The following GRTP1 variants were observed in gnomAD, a reference collection of about 807,000 sequenced individuals.
The protein encoded by GRTP1 is growth hormone regulated TBC protein 1.
Under a neutral mutation model 38.1 loss-of-function variants are expected in GRTP1, and 56 were observed. The observed-to-expected ratio is 1.47, with a 90% CI of 1.19 to 1.84. GRTP1 has a LOEUF of 1.84. Ranked by LOEUF, GRTP1 falls within the 40% of genes most tolerant of loss-of-function variation. GRTP1 has a pLI of 0.00. For synonymous variants in GRTP1, 217 were observed against 189.5 expected (o/e 1.14, Z -1.19); for missense variants, 506 against 453.9 (o/e 1.11, Z -1.04).
At position 113,326,546 on chromosome 13, in the gene GRTP1, C is replaced by T. The variant is rs1437700027; in HGVS notation, c.563-455G>A. On this transcript the variant is annotated intron_variant, in intron 5 of 7. Transcript: ENST00000375431. ...ATTAGCCAGGTGTGGTGGTGGGCAC[C>T]TGTAACCCCAGCTATTCAGGAGGCT... 2.6e-5 allele frequency among the ~76,000 whole-genome samples: 4 copies of T among 152,200 alleles called. No homozygotes were observed. In the East Asian group the frequency reaches 7.7e-4, roughly 29 times the overall value.
rs372893077 is a variant in GRTP1, at chr13:113,325,866, C to T, written c.736-20G>A. The T allele has an allele frequency of 5.8e-5, 93 of 1,613,704 alleles. No individual in the cohort carries two copies. Among genetic ancestry groups the T allele is most frequent in the African/African-American group, 1.1e-4 (8 of 74,912 alleles). On this transcript the variant is annotated intron_variant, in intron 6 of 7. Transcript: ENST00000375431. ...CACTGTCTGCAGAGACATGGGAACC[C>T]GGTGTCACTCCCTGGCGGCCCGCCC...
chr13:113,337,437 CAATT>C (rs1429243632), intron 5 of GRTP1, among the ~76,000 whole-genome samples: 1 of 152,168 alleles, frequency 6.6e-6, no homozygotes, highest in African/African-American at 2.4e-5. Context: ...GCATACAACT[CAATT>C]AAACTTTATC....
At chr13:113,357,754 A>G (rs931249669) in intron 2 of GRTP1, among the ~76,000 whole-genome samples, 3 of 152,222 alleles carry the variant, frequency 2.0e-5, no homozygotes, top group Non-Finnish European at 2.9e-5. Context: ...GTGCTATACA[A>G]CAGCAGGAGA....
chr13:113,333,823 T>TTTATTTAC (rs2042910587), intron 5 of GRTP1, among the ~76,000 whole-genome samples: 1 of 108,884 alleles, frequency 9.2e-6, no homozygotes, highest in Admixed American at 1.1e-4. Context: ...TATTTATTTA[T>TTTATTTAC]TTATTTATTT....
At chr13:113,359,073 A>G (rs2043447215) in intron 2 of GRTP1, among the ~76,000 whole-genome samples, 1 of 152,208 alleles carries the variant, frequency 6.6e-6, no homozygotes, top group South Asian at 2.1e-4. Flanking sequence ...AAAAGGAAGG[A>G]ACTATTGACA....
rs2043549557 is a variant in GRTP1, at chr13:113,363,892, GA to G, written c.50del (p.Phe17SerfsTer45). The G allele has an allele frequency of 6.2e-7, 1 of 1,611,420 alleles. No individual in the cohort carries two copies. The highest frequency in any genetic ancestry group is 8.5e-7 in the Non-Finnish European group (1 of 1,179,474). On this transcript the variant is annotated frameshift_variant, in exon 2 of 8. Transcript: ENST00000375431. LOFTEE classifies it high-confidence loss of function. ...CGTCGTCGAAGTCCTCAGGCCGCTC[GA>G]ATCCGTACGGGTCGATCCTGCAAAA... ...SRVPRIDPYG[F>X]ERPEDFDDAA...
chr13:113,336,619 TG>T (rs11297331), intron 5 of GRTP1, among the ~76,000 whole-genome samples: 136,933 of 152,048 alleles, frequency 0.9, 61,863 homozygotes, highest in East Asian at 1. Context: ...CTACACTAGC[TG>T]TGCAGGACAC....
chr13:113,328,976 T>C (rs995701543), intron 5 of GRTP1, among the ~76,000 whole-genome samples: 1 of 150,052 alleles, frequency 6.7e-6, no homozygotes, highest in African/African-American at 2.5e-5. Context: ...ATTCTCCTGG[T>C]TCCCTTCCCT....
chr13:113,336,348 A>AAAACAAACAAACAAACAAAC (rs61192086), intron 5 of GRTP1, among the ~76,000 whole-genome samples: 2 of 149,528 alleles, frequency 1.3e-5, no homozygotes, highest in Admixed American at 1.3e-4. Context: ...ATTTAATTAA[A>AAAACAAACAAACAAACAAAC]AAACAAACAA....
rs375024618 is a variant in GRTP1, at chr13:113,340,641, G to A, written c.562+4222C>T. ...CTACAAATACAAAAATTAGCCGGGC[G>A]TGGTGGCGGGCGCCTGTAGTCCCAG... On this transcript the variant is annotated intron_variant, in intron 5 of 7. Coordinates refer to ENST00000375431, the MANE Select transcript of GRTP1 (RefSeq NM_024719.4). Among the ~76,000 whole-genome samples the A allele has an allele frequency of 8.5e-5, 13 of 152,140 alleles. No homozygotes were observed. In the East Asian group the frequency reaches 1.2e-3, roughly 14 times the overall value.
At chr13:113,327,149 A>G (rs942972380) in intron 5 of GRTP1, among the ~76,000 whole-genome samples, 1 of 152,174 alleles carries the variant, frequency 6.6e-6, no homozygotes, top group Non-Finnish European at 1.5e-5. Flanking sequence ...TTACCTACGT[A>G]ATTTTTTAAC....
At chr13:113,362,449 A>G (rs2043515777) in intron 2 of GRTP1, among the ~76,000 whole-genome samples, 1 of 152,214 alleles carries the variant, frequency 6.6e-6, no homozygotes, top group Non-Finnish European at 1.5e-5. Flanking sequence ...TGGGAAGCAT[A>G]TAGGATATTA....
intron 5 of GRTP1, among the ~76,000 whole-genome samples, chr13:113,332,419 G>A (rs112623866): frequency 4.0e-5 from 6 of 150,322 alleles, no homozygotes; most frequent in Admixed American, 6.6e-5. Context: ...ACGTGCACAC[G>A]CACACCACAC....
intron 3 of GRTP1, among the ~76,000 whole-genome samples, chr13:113,354,089 T>C (rs981423932): frequency 2.6e-5 from 4 of 152,060 alleles, no homozygotes; most frequent in Admixed American, 1.3e-4. Flanking sequence ...AATAAAAAAA[T>C]TCATCCAAAA....
chr13:113,330,470 ACCCAGGTGTGTGCATGGGAG>A (rs1283356420), intron 5 of GRTP1, among the ~76,000 whole-genome samples: 2,710 of 79,430 alleles, frequency 0.034, 91 homozygotes, highest in South Asian at 0.04. Flanking sequence ...GTGCATAAAA[ACCCAGGTGTGTGCATGGGAG>A]CCCAGGTGTG....
chr13:113,348,792 C>T lies in GRTP1; in HGVS notation c.465+2057G>A, dbSNP rs2043211840. Among the ~76,000 whole-genome samples, 1 of 152,186 alleles carries T rather than the reference C, an allele frequency of 6.6e-6. No homozygotes were observed. The highest frequency in any genetic ancestry group is 6.5e-5 in the Admixed American group (1 of 15,282). On this transcript the variant is annotated intron_variant, in intron 4 of 7. Coordinates refer to ENST00000375431, the MANE Select transcript of GRTP1 (RefSeq NM_024719.4). This position sits in a 1 kb window ranked among gnomAD's most constrained non-coding sequence, Gnocchi z 4.8. ...TGGGACAGTCCGTCCGTCACAGCCT[C>T]AGAAAGAACCCGCCCCGCAGACGCC... is the stretch of plus-strand genomic sequence containing the variant.
Position 113,345,956 on chromosome 13 carries a change from C to T in GRTP1, c.466-997G>A, listed in dbSNP as rs144658579. On this transcript the variant is annotated intron_variant, in intron 4 of 7. Coordinates refer to ENST00000375431, the MANE Select transcript of GRTP1 (RefSeq NM_024719.4). ...GGAAATGCTGGGAAGACCTCTGTGG[C>T]CAAAAGCAGACCCAGGAGGACTTTT... Among the ~76,000 whole-genome samples, 502 of 151,870 alleles carry T rather than the reference C, an allele frequency of 3.3e-3. 7 individuals carry two copies. The highest frequency in any genetic ancestry group is 0.011 in the African/African-American group (467 of 41,528).
intron 5 of GRTP1, among the ~76,000 whole-genome samples, chr13:113,328,472 G>A (rs1566413467): frequency 6.6e-6 from 1 of 152,216 alleles, no homozygotes; most frequent in African/African-American, 2.4e-5. Flanking sequence ...TCACAGGCCA[G>A]TTCTCCACCC....
At chr13:113,344,124 CA>C (rs1483979743) in intron 5 of GRTP1, among the ~76,000 whole-genome samples, 1 of 152,110 alleles carries the variant, frequency 6.6e-6, no homozygotes, top group East Asian at 1.9e-4. Context: ...ATATATAGCG[CA>C]ATTATTATGC....
Sources: gnomAD v4.1 joint callset for allele counts (sites outside exome capture counted in the v4.1 genomes callset) on GRCh38, gnomAD v4.1.1 for gene constraint, Gnocchi (gnomAD v3.1) non-coding constraint, MANE v1.5 for transcripts, NCBI Gene and HGNC (gene_info 2026-07-23, HGNC 2026-07-21) for gene names.